The following EPS15 variants were observed in gnomAD, a reference collection of about 807,000 sequenced individuals.
EPS15 encodes epidermal growth factor receptor pathway substrate 15, also known as epidermal growth factor receptor substrate 15.
Under a neutral mutation model 113.8 loss-of-function variants are expected in EPS15, and 72 were observed. That is an observed-to-expected ratio of 0.63 (90% CI 0.52 to 0.77). EPS15 has a LOEUF of 0.77. Among genes scored for constraint, EPS15 ranks in the 30% least tolerant of loss-of-function variants. The pLI is 0.00. For synonymous variants in EPS15, 344 were observed against 363.4 expected, an observed-to-expected ratio of 0.95 and a Z score of 0.61; for missense variants, 1,048 against 1,045.8, an observed-to-expected ratio of 1.00 and a Z score of -0.03.
chr1:51,447,739 A>G (rs1653182481), intron 9 of EPS15, among the ~76,000 whole-genome samples: 1 of 152,210 alleles, frequency 6.6e-6, no homozygotes, highest in African/African-American at 2.4e-5. Flanking sequence ...AATAAAACCA[A>G]TAAAACATCC....
chr1:51,403,380 C>T, intron 17 of EPS15, 39 bp downstream of exon 17: 2 of 1,128,478 alleles, frequency 1.8e-6, no homozygotes. Flanking sequence ...TCCTTCCACC[C>T]TTACAAGTCC....
intron 1 of EPS15, among the ~76,000 whole-genome samples, chr1:51,500,774 G>A (rs1644398051): frequency 6.6e-6 from 1 of 151,902 alleles, no homozygotes. Context: ...CACGAGGTCA[G>A]GAGTTTCAGA....
chr1:51,403,347 G>T, intron 17 of EPS15, 72 bp downstream of exon 17: 1 of 774,222 alleles, frequency 1.3e-6, no homozygotes, highest in Non-Finnish European at 2.2e-6. Context: ...ATTAAGTAAT[G>T]TCTGATAATT....
intron 9 of EPS15, 86 bp downstream of exon 9, chr1:51,447,959 TA>T: frequency 6.6e-7 from 1 of 1,522,244 alleles, no homozygotes; most frequent in East Asian, 2.3e-5. Context: ...CTTTGGTAGG[TA>T]AAATGCCTAC....
At chr1:51,483,732 G>A (rs1400210282) in intron 1 of EPS15, among the ~76,000 whole-genome samples, 1 of 151,996 alleles carries the variant, frequency 6.6e-6, no homozygotes, top group African/African-American at 2.4e-5. Context: ...CTTGAACCCG[G>A]GAGGTGGAGG....
At chr1:51,479,176 A>G (rs1643973508) in intron 2 of EPS15, among the ~76,000 whole-genome samples, 1 of 151,976 alleles carries the variant, frequency 6.6e-6, no homozygotes, top group South Asian at 2.1e-4. Flanking sequence ...TTTTTTCTCT[A>G]AACTTCTCTT....
At chr1:51,445,273 G>GTT (rs1652943607) in intron 10 of EPS15, among the ~76,000 whole-genome samples, 1 of 152,136 alleles carries the variant, frequency 6.6e-6, no homozygotes, top group African/African-American at 2.4e-5. Context: ...TCTAATCTGG[G>GTT]TTTACACTTT....
At position 51,403,525 on chromosome 1, in the gene EPS15, C is replaced by G; in HGVS notation, c.1685G>C (p.Ser562Thr). 6.4e-7 allele frequency: 1 copy of G among 1,564,454 alleles called. No individual in the cohort carries two copies. The highest frequency in any genetic ancestry group is 8.7e-7 in the Non-Finnish European group (1 of 1,149,634). ...ACCAGAAGGCAGTAGTTCAGGACTA[C>G]TTCTTGCCTACAAAATATTAATGCA... ...EPIHQESPAR[S>T]SPELLPSGVT... Residue 562 changes from serine to threonine, a missense_variant, in exon 17 of 25, where the codon AGT (serine) becomes ACT (threonine). Coordinates refer to ENST00000371733, the MANE Select transcript of EPS15 (RefSeq NM_001981.3).
rs377211027 is a variant in EPS15, at chr1:51,426,837, C to CTCTATATATA, written c.1041-4980_1041-4979insTATATATAGA. Among the ~76,000 whole-genome samples the CTCTATATATA allele has an allele frequency of 8.3e-3, 1,190 of 143,562 alleles. 4 individuals carry two copies. The highest frequency in any genetic ancestry group is 0.014 in the Non-Finnish European group (937 of 65,396). The allele number at this position is 143,562 out of a possible 152,430, so 94.2% of individuals were successfully genotyped here. ...AATCTGTCTCTCTCTCTCTCTCTCT[C>CTCTATATATA]TATATATATATATATACACACACAC... On this transcript the variant is annotated intron_variant, in intron 12 of 24. Transcript: ENST00000371733.
chr1:51,382,820 A>T (rs1189664483), intron 21 of EPS15, among the ~76,000 whole-genome samples: 1 of 152,206 alleles, frequency 6.6e-6, no homozygotes, highest in Non-Finnish European at 1.5e-5. Context: ...TTAAAGTATA[A>T]TCAAAACCAG....
At chr1:51,488,625 C>T (rs1016697004) in intron 1 of EPS15, among the ~76,000 whole-genome samples, 2 of 152,098 alleles carry the variant, frequency 1.3e-5, no homozygotes, top group African/African-American at 2.4e-5. Context: ...CAGGATCCCA[C>T]TCAGTCCTGG....
At chr1:51,460,348 C>T (rs999052935) in intron 8 of EPS15, among the ~76,000 whole-genome samples, 5 of 152,150 alleles carry the variant, frequency 3.3e-5, no homozygotes, top group Admixed American at 2.0e-4. Flanking sequence ...ACTAAGATGA[C>T]ATGTCTTCAG....
At chr1:51,387,698 C>G (rs796296160) in intron 21 of EPS15, among the ~76,000 whole-genome samples, 1 of 152,028 alleles carries the variant, frequency 6.6e-6, no homozygotes, top group East Asian at 1.9e-4. Flanking sequence ...GACTTTAAAC[C>G]AACAAAGATC....
intron 21 of EPS15, among the ~76,000 whole-genome samples, chr1:51,370,310 A>C (rs1646615315): frequency 6.6e-6 from 1 of 152,204 alleles, no homozygotes. Context: ...AGTATCCCTT[A>C]TCTGAAATGC....
chr1:51,427,880 T>C (rs1651361908), intron 12 of EPS15, among the ~76,000 whole-genome samples: 1 of 152,144 alleles, frequency 6.6e-6, no homozygotes, highest in Non-Finnish European at 1.5e-5. Context: ...TCTACAGATC[T>C]AAAAAGCTCA....
In EPS15 at chr1:51,399,029, T is replaced by TA. The variant is rs1260048090; in HGVS notation, c.2052+2dup. ...CTTAACAGTTTTTAATTCTCCCACT[T>TA]ACCGATGTAATACTGCTATTGTTGG... On this transcript the variant is annotated splice_region_variant and intron_variant, in intron 20 of 24. Transcript: ENST00000371733. The TA allele has an allele frequency of 6.2e-7, 1 of 1,609,250 alleles. No homozygotes were observed. Among genetic ancestry groups the TA allele is most frequent in the Non-Finnish European group, 8.5e-7 (1 of 1,177,690 alleles).
chr1:51,443,539 ATTTAT>A (rs1213105526), intron 11 of EPS15, among the ~76,000 whole-genome samples: 1 of 152,154 alleles, frequency 6.6e-6, no homozygotes, highest in African/African-American at 2.4e-5. Context: ...ATAATAAAAT[ATTTAT>A]TTTATTACAA....
chr1:51,487,955 A>T (rs1303442067), intron 1 of EPS15, among the ~76,000 whole-genome samples: 1 of 152,210 alleles, frequency 6.6e-6, no homozygotes, highest in Non-Finnish European at 1.5e-5. Context: ...AGGGAAAAAA[A>T]AATCACATAT....
chr1:51,508,302 GAAA>G (rs1644547284), intron 1 of EPS15, among the ~76,000 whole-genome samples: 3 of 129,532 alleles, frequency 2.3e-5, no homozygotes, highest in African/African-American at 1.1e-4. Flanking sequence ...GAGAGAGAGA[GAAA>G]GAGAGAAAGA....
Sources: gnomAD v4.1 joint callset for allele counts (sites outside exome capture counted in the v4.1 genomes callset) on GRCh38, gnomAD v4.1.1 for gene constraint, MANE v1.5 for transcripts, NCBI Gene and HGNC (gene_info 2026-07-23, HGNC 2026-07-21) for gene names.